ORC1: variants seen among roughly 807,000 people sequenced by gnomAD.
ORC1 encodes the protein origin recognition complex, subunit 1 homolog.
Under a neutral mutation model 98.9 loss-of-function variants are expected in ORC1, and 61 were observed. The ratio of observed to expected loss-of-function variants is 0.62; its 90% CI spans 0.50 to 0.76. ORC1 has a LOEUF of 0.76. ORC1 is among the 30% of genes least tolerant of loss of function. ORC1 has a pLI of 0.00. For synonymous variants in ORC1, 385 were observed against 406.9 expected (o/e 0.95, Z 0.65); for missense variants, 979 against 1,072.2 (o/e 0.91, Z 1.21).
upstream of ORC1, chr1:52,408,961 G>A: frequency 3.6e-6 from 1 of 275,284 alleles, no homozygotes; most frequent in Non-Finnish European, 6.9e-6. Flanking sequence ...CCCTTTACAT[G>A]TGCTCCATCC....
At chr1:52,404,161 G>A (rs1178351122) in intron 1 of ORC1, 85 bp downstream of exon 1, 2 of 155,346 alleles carry the variant, frequency 1.3e-5, no homozygotes, top group African/African-American at 4.8e-5. Flanking sequence ...ATCAATGACT[G>A]AGTCTACAGA....
chr1:52,386,785 T>C (rs761768949), intron 8 of ORC1, among the ~76,000 whole-genome samples: 7 of 151,598 alleles, frequency 4.6e-5, no homozygotes, highest in Non-Finnish European at 7.4e-5. Context: ...AACACAGAGG[T>C]GAAAGCCCCC....
intron 14 of ORC1, among the ~76,000 whole-genome samples, chr1:52,380,878 CA>C (rs1002066083): frequency 1.3e-5 from 2 of 152,190 alleles, no homozygotes; most frequent in African/African-American, 4.8e-5. Flanking sequence ...ACAATTGGCT[CA>C]CCTCTTACCC....
At chr1:52,405,013 G>A, upstream of ORC1, 1 of 989,708 alleles carries the variant, frequency 1.0e-6, no homozygotes, top group Non-Finnish European at 1.5e-6. Context: ...GAAAAATTTT[G>A]AGTGCCTGCT....
chr1:52,407,457 G>A (rs894632732), upstream of ORC1, among the ~76,000 whole-genome samples: 2 of 152,184 alleles, frequency 1.3e-5, no homozygotes, highest in African/African-American at 4.8e-5. Context: ...CATTATCTCC[G>A]TTTTACAAGG....
At chr1:52,404,980 G>C, upstream of ORC1, 1 of 1,412,740 alleles carries the variant, frequency 7.1e-7, no homozygotes, top group South Asian at 1.3e-5. Context: ...GGTGGTACTG[G>C]AACGGAGTAT....
intron 2 of ORC1, 74 bp downstream of exon 2, chr1:52,402,055 C>G (rs1647734499): frequency 9.5e-7 from 1 of 1,052,140 alleles, no homozygotes; most frequent in Non-Finnish European, 1.5e-6. Flanking sequence ...GTAATTAGAA[C>G]AGGCTAGATA....
intron 6 of ORC1, among the ~76,000 whole-genome samples, chr1:52,392,276 C>T (rs1647230063): frequency 6.6e-6 from 1 of 151,894 alleles, no homozygotes; most frequent in South Asian, 2.1e-4. Flanking sequence ...ACCACAGGCG[C>T]CCACCACCAA....
chr1:52,407,793 C>T (rs768080709), upstream of ORC1, among the ~76,000 whole-genome samples: 10 of 152,212 alleles, frequency 6.6e-5, no homozygotes, highest in Non-Finnish European at 1.3e-4. Flanking sequence ...TGGTTGCTAA[C>T]ACCTGTAATC....
intron 1 of ORC1, among the ~76,000 whole-genome samples, chr1:52,403,687 A>AG (rs954857269): frequency 1.3e-5 from 2 of 152,150 alleles, no homozygotes; most frequent in African/African-American, 4.8e-5. Context: ...AGAAGTAGGA[A>AG]GGGGGCCACC....
upstream of ORC1, among the ~76,000 whole-genome samples, chr1:52,407,519 G>A (rs1024508081): frequency 4.6e-5 from 7 of 152,208 alleles, no homozygotes; most frequent in South Asian, 1.0e-3. Flanking sequence ...AGTAAATTAC[G>A]GAGTCAGAAT....
intron 6 of ORC1, among the ~76,000 whole-genome samples, chr1:52,390,339 TA>T (rs1647192106): frequency 1.3e-5 from 2 of 152,140 alleles, no homozygotes; most frequent in Non-Finnish European, 2.9e-5. Flanking sequence ...AGTACTGGTA[TA>T]AAAATAGGCA....
chr1:52,406,675 C>T (rs956411198), upstream of ORC1, among the ~76,000 whole-genome samples: 8 of 152,182 alleles, frequency 5.3e-5, no homozygotes, highest in Non-Finnish European at 8.8e-5. Flanking sequence ...AGCTTATTAC[C>T]GTATTACCGA....
rs770834117 is a variant in ORC1, at chr1:52,388,622, A to C, written c.1203T>G (p.Ser401Arg). The C allele has an allele frequency of 6.2e-7, 1 of 1,613,798 alleles. No homozygotes were observed. Among genetic ancestry groups the C allele is most frequent in the Non-Finnish European group, 8.5e-7 (1 of 1,179,920 alleles). The part of the protein sequence containing the change: ...IRQQLRFLGN[S>R]KSDQEEKEIL... ...TCTCTTTCTCTTCTTGGTCACTTTT[A>C]CTATTACCTAGAAACCTGAATGGTA... The change falls in exon 8 of 17, where the codon AGT becomes AGG. Residue 401 changes from serine to arginine, a missense_variant. Transcript: ENST00000371568.
At chr1:52,383,160 C>T (rs949950471) in intron 13 of ORC1, among the ~76,000 whole-genome samples, 7 of 151,974 alleles carry the variant, frequency 4.6e-5, no homozygotes, top group Middle Eastern at 3.2e-3. Flanking sequence ...ACTCTGCCTC[C>T]GGAGTTCAAG....
chr1:52,393,429 A>G lies in ORC1; in HGVS notation c.1082+14T>C. ...AGGATTTCAATTTGCTCTGTGGGTA[A>G]TGTCCCTGGTCACCTCTTTTTGATG... On this transcript the variant is annotated intron_variant, in intron 6 of 16. Coordinates refer to ENST00000371568, the MANE Select transcript of ORC1 (RefSeq NM_004153.4). The G allele has an allele frequency of 6.2e-7, 1 of 1,614,070 alleles. No homozygotes were observed.
intron 13 of ORC1, among the ~76,000 whole-genome samples, chr1:52,382,317 T>C (rs1647082365): frequency 6.6e-6 from 1 of 152,102 alleles, no homozygotes; most frequent in Non-Finnish European, 1.5e-5. Flanking sequence ...ACGCCCGGCC[T>C]AAGGACCTTT....
At chr1:52,383,649 G>T in intron 12 of ORC1, 80 bp from the exon 13 acceptor site, 2 of 1,496,620 alleles carry the variant, frequency 1.3e-6, no homozygotes, top group Non-Finnish European at 1.9e-6. Flanking sequence ...TATAACCACT[G>T]CTTTAGCTGC....
At chr1:52,380,652 G>T (rs12737655) in intron 14 of ORC1, among the ~76,000 whole-genome samples, 1 of 150,648 alleles carries the variant, frequency 6.6e-6, no homozygotes, top group Non-Finnish European at 1.5e-5. Context: ...CTGAGATCAC[G>T]CCACTGCACT....
Sources: gnomAD v4.1 joint callset for allele counts (sites outside exome capture counted in the v4.1 genomes callset) on GRCh38, gnomAD v4.1.1 for gene constraint, MANE v1.5 for transcripts, NCBI Gene and HGNC (gene_info 2026-07-23, HGNC 2026-07-21) for gene names.